The following ANGPT2 variants were observed in gnomAD, a reference collection of about 807,000 sequenced individuals.
ANGPT2 encodes angiopoietin-2.
ANGPT2 carries 28 observed loss-of-function variants against 62.9 expected under a neutral mutation model. That is an observed-to-expected ratio of 0.44 (90% CI 0.33 to 0.61). ANGPT2 has a LOEUF of 0.61. Ranked by LOEUF, ANGPT2 falls within the 20% of genes least tolerant of loss-of-function variation. The pLI is 0.03. For missense variants in ANGPT2, 727 were observed against 594.9 expected, an observed-to-expected ratio of 1.22 and a Z score of -2.31; for synonymous variants, 284 against 207.8, an observed-to-expected ratio of 1.37 and a Z score of -3.15.
At chr8:6,558,728 C>T (rs1825044602) in intron 1 of ANGPT2, among the ~76,000 whole-genome samples, 1 of 152,118 alleles carries the variant, frequency 6.6e-6, no homozygotes, top group Non-Finnish European at 1.5e-5. Context: ...ATCATCTCCC[C>T]ATAGTGTGAT....
At chr8:6,540,258 C>T (rs527563411) in intron 1 of ANGPT2, among the ~76,000 whole-genome samples, 82 of 152,276 alleles carry the variant, frequency 5.4e-4, no homozygotes, top group Middle Eastern at 3.4e-3. Flanking sequence ...GTTTCCCTTA[C>T]CACTACTCCA....
In ANGPT2 at chr8:6,521,187, T is replaced by C; in HGVS notation, c.790A>G (p.Thr264Ala). ...TGATATGTAAACTTACAGTTTGATGTGGACATCATAGTCAGTAAGTTATTA... is the reference window on the plus strand; with the variant it reads ...TGATATGTAAACTTACAGTTTGATGCGGACATCATAGTCAGTAAGTTATTA... Reference protein sequence around the residue: ...TVNNLLTMMSTSNSKDPTVAK... With the variant: ...TVNNLLTMMSASNSKDPTVAK... The change falls in exon 4 of 9, where the codon ACA becomes GCA. Residue 264 changes from threonine (T) to alanine (A), a missense_variant. Coordinates refer to ENST00000629816, the MANE Select transcript of ANGPT2 (RefSeq NM_001118887.2). The C allele has an allele frequency of 6.2e-7, 1 of 1,612,714 alleles. No homozygotes were observed. Among genetic ancestry groups the C allele is most frequent in the Non-Finnish European group, 8.5e-7 (1 of 1,178,988 alleles).
chr8:6,537,872 G>A (rs535635565), intron 1 of ANGPT2, among the ~76,000 whole-genome samples: 2 of 152,232 alleles, frequency 1.3e-5, no homozygotes, highest in Admixed American at 6.5e-5. Context: ...GTAGATGCTG[G>A]TTGAGAGATC....
At chr8:6,512,976 G>A (rs887744269) in intron 7 of ANGPT2, among the ~76,000 whole-genome samples, 1 of 152,190 alleles carries the variant, frequency 6.6e-6, no homozygotes, top group Non-Finnish European at 1.5e-5. Context: ...CATAAAGACA[G>A]ACTAACTTTT....
chr8:6,524,693 G>T (rs1016452406), intron 3 of ANGPT2, among the ~76,000 whole-genome samples: 1 of 152,170 alleles, frequency 6.6e-6, no homozygotes, highest in African/African-American at 2.4e-5. Context: ...TAGATGTTTT[G>T]ATGGTCTTCA....
chr8:6,503,821 G>T (rs989783172), intron 8 of ANGPT2, among the ~76,000 whole-genome samples: 1 of 152,208 alleles, frequency 6.6e-6, no homozygotes, highest in African/African-American at 2.4e-5. Context: ...GCCAGGGCAG[G>T]AGAGGTGTCC....
intron 8 of ANGPT2, 62 bp downstream of exon 8, chr8:6,508,870 C>A (rs764112777): frequency 5.0e-6 from 8 of 1,610,702 alleles, no homozygotes; most frequent in African/African-American, 1.3e-5. Context: ...AAATTGCCAG[C>A]CTTTCCCTCT....
rs561425029 is a variant in ANGPT2 at position 6,533,011 on chromosome 8, G to A, written c.289-524C>T. Among the ~76,000 whole-genome samples, 352 of 152,262 alleles carry A rather than the reference G, an allele frequency of 2.3e-3. 1 individual carries two copies. The highest frequency in any genetic ancestry group is 4.0e-3 in the Non-Finnish European group (269 of 68,024). On this transcript the variant is annotated intron_variant, in intron 1 of 8. Coordinates refer to ENST00000629816, the MANE Select transcript of ANGPT2 (RefSeq NM_001118887.2). The stretch of plus-strand genomic sequence containing the variant: ...CCTTTTGATTTTCCTTTTAACCTAC[G>A]GAATCACCACTCAGTTCCACATTCT...
intron 1 of ANGPT2, among the ~76,000 whole-genome samples, chr8:6,553,469 C>T (rs750249200): frequency 1.1e-4 from 16 of 152,076 alleles, no homozygotes; most frequent in Non-Finnish European, 2.1e-4. Flanking sequence ...ATGGTAATTG[C>T]GTCGGCTTCA....
chr8:6,532,466 T>G lies in ANGPT2; in HGVS notation c.310A>C (p.Asn104His). 6.2e-7 allele frequency: 1 copy of G among 1,613,652 alleles called. No homozygotes were observed. Among genetic ancestry groups the G allele is most frequent in the South Asian group, 1.1e-5 (1 of 90,892 alleles). ...ATCTCTACCATTTCTTTCTTCATGT[T>G]GTCCTGGATATAATTCTCAAGCTAG... ...LMKLENYIQD[N>H]MKKEMVEIQQ... The change falls in exon 2 of 9, where the codon AAC (asparagine) becomes CAC (histidine). Residue 104 changes from asparagine to histidine, a missense_variant. Coordinates refer to ENST00000629816, the MANE Select transcript of ANGPT2 (RefSeq NM_001118887.2).
chr8:6,523,710 C>A (rs968124778), intron 3 of ANGPT2, among the ~76,000 whole-genome samples: 4 of 152,124 alleles, frequency 2.6e-5, no homozygotes, highest in Non-Finnish European at 5.9e-5. Flanking sequence ...CTGCCTCAGC[C>A]TCCTGAGTAG....
intron 2 of ANGPT2, among the ~76,000 whole-genome samples, chr8:6,531,522 C>A (rs975402194): frequency 2.6e-5 from 4 of 152,096 alleles, no homozygotes; most frequent in Admixed American, 6.5e-5. Flanking sequence ...GAACTCCTGA[C>A]CTCAGGTGAT....
intron 1 of ANGPT2, among the ~76,000 whole-genome samples, chr8:6,551,559 T>C (rs1823656955): frequency 6.6e-6 from 1 of 152,072 alleles, no homozygotes; most frequent in Admixed American, 6.5e-5. Context: ...TTAGTCTTAA[T>C]TTTTTTTAAC....
intron 7 of ANGPT2, among the ~76,000 whole-genome samples, chr8:6,511,044 T>A (rs1202561901): frequency 6.6e-6 from 1 of 152,234 alleles, no homozygotes; most frequent in Non-Finnish European, 1.5e-5. Flanking sequence ...GATGAACCAC[T>A]TCCCTTGCTT....
At chr8:6,524,948 G>A (rs772678955) in intron 3 of ANGPT2, among the ~76,000 whole-genome samples, 1 of 152,234 alleles carries the variant, frequency 6.6e-6, no homozygotes, top group East Asian at 1.9e-4. Flanking sequence ...CACAAGGGCA[G>A]ACACCCTGCT....
intron 7 of ANGPT2, among the ~76,000 whole-genome samples, chr8:6,510,114 C>T (rs6559165): frequency 0.066 from 10,078 of 151,692 alleles, 414 homozygotes; most frequent in African/African-American, 0.12. Context: ...CAGCAAGGAG[C>T]ATATAAGGGA....
chr8:6,530,384 C>T (rs150146907), intron 2 of ANGPT2, among the ~76,000 whole-genome samples: 1 of 152,018 alleles, frequency 6.6e-6, no homozygotes, highest in African/African-American at 2.4e-5. Flanking sequence ...TAGCCTGCAC[C>T]TGTAATCCCA....
rs1563305932 is a variant in ANGPT2 at position 6,505,308 on chromosome 8, T to G, written c.1328-2047A>C. ...TATGTTATATACATATATATGTATA[T>G]AACATATATATGTTATATACATATA... is the stretch of plus-strand genomic sequence containing the variant. On this transcript the variant is annotated intron_variant, in intron 8 of 8. Transcript: ENST00000629816. Among the ~76,000 whole-genome samples the G allele has an allele frequency of 1.3e-4, 6 of 44,796 alleles. 2 individuals carry two copies. The highest frequency in any genetic ancestry group is 8.5e-4 in the African/African-American group (6 of 7,036). The allele number at this position is 44,796 out of a possible 152,430, so 29.4% of individuals were successfully genotyped here.
At chr8:6,555,455 G>T (rs1212252167) in intron 1 of ANGPT2, among the ~76,000 whole-genome samples, 3 of 149,230 alleles carry the variant, frequency 2.0e-5, no homozygotes, top group African/African-American at 7.7e-5. Context: ...TTTACGGGGG[G>T]TGGTTTGCCC....
Sources: gnomAD v4.1 joint callset for allele counts (sites outside exome capture counted in the v4.1 genomes callset) on GRCh38, gnomAD v4.1.1 for gene constraint, MANE v1.5 for transcripts, NCBI Gene and HGNC (gene_info 2026-07-23, HGNC 2026-07-21) for gene names.